Variants in ARID3B observed in about 807,000 individuals in gnomAD.
ARID3B encodes the protein AT-rich interactive domain-containing protein 3B.
Under a neutral mutation model 51.9 loss-of-function variants are expected in ARID3B, and 10 were observed. The observed-to-expected ratio is 0.19, with a 90% confidence interval of 0.12 to 0.33. The LOEUF is 0.33. Ranked by LOEUF, ARID3B falls within the 10% of genes least tolerant of loss-of-function variation. ARID3B has a pLI of 1.00. For synonymous variants in ARID3B, 205 were observed against 279.5 expected (o/e 0.73, Z 2.66); for missense variants, 483 against 716.3 (o/e 0.67, Z 3.72).
At chr15:74,577,409 C>T (rs182384244) in intron 4 of ARID3B, among the ~76,000 whole-genome samples, 1 of 151,908 alleles carries the variant, frequency 6.6e-6, no homozygotes, top group Non-Finnish European at 1.5e-5. Flanking sequence ...GAGCCAAGAT[C>T]GCACCATTGC....
chr15:74,593,300 G>T (rs1179426670), intron 8 of ARID3B, 64 bp downstream of exon 8: 1 of 1,471,506 alleles, frequency 6.8e-7, no homozygotes, highest in East Asian at 2.4e-5. Flanking sequence ...CAGCTCTGCG[G>T]CTGGCCCTGC....
In ARID3B at chr15:74,597,304, C is replaced by T. The variant is rs2061831181; in HGVS notation, c.*1530C>T. On this transcript the variant is annotated 3_prime_UTR_variant, in exon 9 of 9. Coordinates refer to ENST00000346246, the MANE Select transcript of ARID3B (RefSeq NM_006465.4). ...CCTGGAATGTTCAGCAGAACACCAC[C>T]ACTGTGACATGGGGCTGTGGCAGTG... The T allele has an allele frequency of 2.4e-6, 1 of 411,470 alleles. No individual in the cohort carries two copies. The highest frequency in any genetic ancestry group is 3.9e-5 in the Admixed American group (1 of 25,584). 25.5% of individuals were successfully genotyped at this position (411,470 alleles called of 1,614,324 possible).
In ARID3B at chr15:74,573,147, G is replaced by C; in HGVS notation, c.640G>C (p.Gly214Arg). The C allele has an allele frequency of 1.9e-6, 3 of 1,614,014 alleles. No individual in the cohort carries two copies. Among genetic ancestry groups the C allele is most frequent in the Non-Finnish European group, 2.5e-6 (3 of 1,180,008 alleles). Residue 214 changes from glycine to arginine, a missense_variant, in exon 4 of 9, where the codon GGT becomes CGT. Physicochemically the swap from Gly to Arg is moderately radical, Grantham distance 125. Coordinates refer to ENST00000346246, the MANE Select transcript of ARID3B (RefSeq NM_006465.4). ...RDFAKLYELDGDPERKEFLDD... is the reference protein window; with the variant it reads ...RDFAKLYELDRDPERKEFLDD... Reference sequence around the variant, plus strand: ...GGGATTGCAGCTGTATGAACTGGACGGTGATCCTGAAAGGAAAGAGTTCCT... The same window carrying C: ...GGGATTGCAGCTGTATGAACTGGACCGTGATCCTGAAAGGAAAGAGTTCCT...
At chr15:74,546,044 C>CT (rs1274674563) in intron 2 of ARID3B, among the ~76,000 whole-genome samples, 1 of 152,218 alleles carries the variant, frequency 6.6e-6, no homozygotes, top group African/African-American at 2.4e-5. Context: ...GTGCCATCCT[C>CT]TCCTGCATCA....
At chr15:74,544,911 C>G (rs569192708) in intron 2 of ARID3B, among the ~76,000 whole-genome samples, 2 of 152,052 alleles carry the variant, frequency 1.3e-5, no homozygotes, top group African/African-American at 4.8e-5. Flanking sequence ...AAGATGGTCT[C>G]GATCTCCTGA....
chr15:74,579,970 C>T lies in ARID3B; in HGVS notation c.697+6766C>T, dbSNP rs759031112. ...CTTTGGGAGGCCAAGGCAGGTGGAT[C>T]ACTTGAGGCCAGGGGTTTGAGACCA... On this transcript the variant is annotated intron_variant, in intron 4 of 8. Transcript: ENST00000346246. Among the ~76,000 whole-genome samples, 114 of 152,250 alleles carry T rather than the reference C, an allele frequency of 7.5e-4. 2 individuals are homozygous for T. The highest frequency in any genetic ancestry group is 1.0e-3 in the Admixed American group (16 of 15,296).
chr15:74,575,081 A>G (rs1016650446), intron 4 of ARID3B: 1 of 151,788 alleles, frequency 6.6e-6, no homozygotes, highest in Non-Finnish European at 1.5e-5. Context: ...GCCCTGAGAG[A>G]GAAATCCACT....
In ARID3B at chr15:74,597,597, T is replaced by C; in HGVS notation, c.*1823T>C. ...CAGGGTGTGGGCAGAGAAGGGCATCTGGGACGTGGTGCCAGTGAGGAGCCC... is the reference window on the plus strand; with the variant it reads ...CAGGGTGTGGGCAGAGAAGGGCATCCGGGACGTGGTGCCAGTGAGGAGCCC... On this transcript the variant is annotated 3_prime_UTR_variant, in exon 9 of 9. Transcript: ENST00000346246. The C allele has an allele frequency of 1.9e-6, 1 of 534,664 alleles. No individual in the cohort carries two copies. Among genetic ancestry groups the C allele is most frequent in the East Asian group, 3.9e-5 (1 of 25,776 alleles). 33.1% of individuals were successfully genotyped at this position (534,664 alleles called of 1,614,324 possible). A position where few individuals can be genotyped will look rare whatever the true frequency, so the allele number is the denominator to read the frequency against.
intron 4 of ARID3B, among the ~76,000 whole-genome samples, chr15:74,576,549 C>T (rs2061738304): frequency 6.6e-6 from 1 of 151,878 alleles, no homozygotes; most frequent in Non-Finnish European, 1.5e-5. Context: ...TCCCAAGCTA[C>T]TTGGGAGGCT....
intron 4 of ARID3B, among the ~76,000 whole-genome samples, chr15:74,578,901 AAAAG>A (rs2061748519): frequency 6.6e-6 from 1 of 152,098 alleles, no homozygotes; most frequent in Admixed American, 6.6e-5. Flanking sequence ...CTCAAAAAAC[AAAAG>A]AAAGAAGGAA....
chr15:74,585,937 C>T (rs1042091257), intron 4 of ARID3B, among the ~76,000 whole-genome samples: 2 of 152,250 alleles, frequency 1.3e-5, no homozygotes, highest in African/African-American at 4.8e-5. Context: ...AGAGAGCCCT[C>T]GGCATAGCCT....
At chr15:74,579,966 G>A (rs1007675876) in intron 4 of ARID3B, among the ~76,000 whole-genome samples, 7 of 152,126 alleles carry the variant, frequency 4.6e-5, no homozygotes, top group African/African-American at 1.7e-4. Flanking sequence ...CAAGGCAGGT[G>A]GATCACTTGA....
At chr15:74,556,166 A>G (rs1292580982) in intron 2 of ARID3B, among the ~76,000 whole-genome samples, 2 of 151,852 alleles carry the variant, frequency 1.3e-5, no homozygotes, top group Non-Finnish European at 2.9e-5. Context: ...GAGACATACA[A>G]CTCTTCCTTT....
rs1238574477 is a variant in ARID3B at position 74,572,878 on chromosome 15, G to A, written c.569G>A (p.Trp190Ter). 2 of 1,614,186 alleles carry A rather than the reference G, an allele frequency of 1.2e-6. No homozygotes were observed. Among genetic ancestry groups the A allele is most frequent in the Non-Finnish European group, 8.5e-7 (1 of 1,180,018 alleles). ...CCCTTTTAGAATGGTGGTTTGGCCT[G>A]GAGTGATGATGCAGATGGAGGCCGG... ...EQLKQNGGLA[W>*]SDDADGGRGR... The change falls in exon 3 of 9, where the codon TGG (tryptophan) becomes TAG (stop). Residue 190 changes from tryptophan (W) to a stop codon, truncating the protein, a stop_gained. Coordinates refer to ENST00000346246, the MANE Select transcript of ARID3B (RefSeq NM_006465.4). LOFTEE classifies it high-confidence loss of function.
At chr15:74,587,174 T>C (rs2061784719) in intron 4 of ARID3B, among the ~76,000 whole-genome samples, 1 of 152,140 alleles carries the variant, frequency 6.6e-6, no homozygotes, top group South Asian at 2.1e-4. Flanking sequence ...GTGAGTAATA[T>C]GGTAAAAGTA....
At chr15:74,583,181 C>CA (rs1792262340) in intron 4 of ARID3B, among the ~76,000 whole-genome samples, 1 of 151,812 alleles carries the variant, frequency 6.6e-6, no homozygotes, top group Non-Finnish European at 1.5e-5. Flanking sequence ...GCCTGGGCTA[C>CA]AGAGTGAGAC....
intron 2 of ARID3B, among the ~76,000 whole-genome samples, 192 bp downstream of exon 2, chr15:74,544,680 T>G (rs912170625): frequency 1.2e-4 from 18 of 151,754 alleles, no homozygotes; most frequent in Non-Finnish European, 2.1e-4. Context: ...CAATGAAATA[T>G]ATGTTACTCT....
Position 74,557,412 on chromosome 15 carries a change from C to CA in ARID3B, c.552+12936dup, listed in dbSNP as rs113790893. Among the ~76,000 whole-genome samples, 124 of 142,892 alleles carry CA rather than the reference C, an allele frequency of 8.7e-4. No individual in the cohort carries two copies. In the Middle Eastern group the frequency reaches 0.022, roughly 25 times the overall value. 93.7% of individuals were successfully genotyped at this position (142,892 alleles called of 152,430 possible). A position where few individuals can be genotyped will look rare whatever the true frequency, so the allele number is the denominator to read the frequency against. On this transcript the variant is annotated intron_variant, in intron 2 of 8. Coordinates refer to ENST00000346246, the MANE Select transcript of ARID3B (RefSeq NM_006465.4). ...CCTGGATGAGAGTGAGACCCTGTCTCAAAAAAAAAAAATTGTGGTATGTTT... is the reference window on the plus strand; with the variant it reads ...CCTGGATGAGAGTGAGACCCTGTCTCAAAAAAAAAAAAATTGTGGTATGTTT...
intron 2 of ARID3B, 26 bp from the exon 3 acceptor site, chr15:74,572,836 C>T (rs773129916): frequency 6.2e-7 from 1 of 1,612,220 alleles, no homozygotes; most frequent in South Asian, 1.1e-5. Context: ...TTGCCCCTCT[C>T]AACTTTGTGT....
Sources: allele counts gnomAD v4.1 joint callset (sites outside exome capture counted in the v4.1 genomes callset), GRCh38; gene constraint gnomAD v4.1.1; transcripts MANE v1.5; gene names NCBI Gene and HGNC (gene_info 2026-07-23, HGNC 2026-07-21).